TENM2: variants seen among roughly 807,000 people sequenced by gnomAD.
The protein encoded by TENM2 is teneurin transmembrane protein 2, also known as teneurin-2.
TENM2 carries 52 observed loss-of-function variants against 245.2 expected under a neutral mutation model. The observed-to-expected ratio is 0.21, with a 90% CI of 0.17 to 0.27. TENM2 has a LOEUF of 0.27. Among genes scored for constraint, TENM2 ranks in the 10% least tolerant of loss-of-function variants. The pLI is 1.00. For missense variants in TENM2, 3,046 were observed against 3,666.8 expected (o/e 0.83, Z 4.37); for synonymous variants, 1,363 against 1,438.9 (o/e 0.95, Z 1.19).
chr5:167,912,015 A>G (rs1235969727), intron 3 of TENM2, among the ~76,000 whole-genome samples: 4 of 152,196 alleles, frequency 2.6e-5, no homozygotes, highest in Non-Finnish European at 4.4e-5. Context: ...TAGTCAGAAC[A>G]CTTAAAATCT....
intron 2 of TENM2, among the ~76,000 whole-genome samples, chr5:167,805,352 A>G (rs1157059302): frequency 2.0e-5 from 3 of 152,178 alleles, no homozygotes; most frequent in African/African-American, 7.2e-5. Context: ...GAAATTTTTT[A>G]TACAATCGTC....
intron 2 of TENM2, among the ~76,000 whole-genome samples, chr5:167,654,080 A>G (rs1211329901): frequency 6.6e-6 from 1 of 152,170 alleles, no homozygotes; most frequent in Non-Finnish European, 1.5e-5. Flanking sequence ...GAGAAAACAA[A>G]TACAGCCATC....
chr5:167,722,457 T>C (rs540798802), intron 2 of TENM2, among the ~76,000 whole-genome samples: 1 of 152,266 alleles, frequency 6.6e-6, no homozygotes, highest in South Asian at 2.1e-4. Flanking sequence ...TAGATACAGA[T>C]ACAGATATAG....
chr5:167,234,863 T>C, the TENM2 span, among the ~76,000 whole-genome samples: 2 of 152,198 alleles, frequency 1.3e-5, no homozygotes, highest in East Asian at 3.9e-4. Flanking sequence ...AATTTGAGCA[T>C]ACTTTATGCT....
the TENM2 span, among the ~76,000 whole-genome samples, chr5:167,049,526 C>T: frequency 2.0e-5 from 3 of 152,158 alleles, no homozygotes; most frequent in African/African-American, 4.8e-5. Flanking sequence ...ATACATCAAA[C>T]TATATTTATT....
intron 2 of TENM2, among the ~76,000 whole-genome samples, chr5:167,640,830 AATATATATATCCATAT>A (rs1779506751): frequency 2.0e-5 from 2 of 101,294 alleles, no homozygotes; most frequent in African/African-American, 3.3e-5. Flanking sequence ...TAGAAATAGA[AATATATATATCCATAT>A]ATATATATAT....
At chr5:167,128,185 A>G in the TENM2 span, among the ~76,000 whole-genome samples, 1 of 152,184 alleles carries the variant, frequency 6.6e-6, no homozygotes, top group Admixed American at 6.5e-5. Flanking sequence ...TGATCTAGGT[A>G]AAAATGCTTG....
chr5:167,698,679 G>GTTTTTTTTTTTTTTTTTTTTTTT (rs1225922111), intron 2 of TENM2, among the ~76,000 whole-genome samples: 9 of 97,744 alleles, frequency 9.2e-5, no homozygotes, highest in Non-Finnish European at 1.4e-4. Context: ...TTTGTTTTTT[G>GTTTTTTTTTTTTTTTTTTTTTTT]TTTTTTTTTT....
At chr5:167,415,226 T>G (rs1200740595) in intron 2 of TENM2, among the ~76,000 whole-genome samples, 3 of 152,054 alleles carry the variant, frequency 2.0e-5, no homozygotes, top group Non-Finnish European at 4.4e-5. Flanking sequence ...CATGAAACAG[T>G]GCTGGGAGGA....
At chr5:167,102,537 C>T in the TENM2 span, among the ~76,000 whole-genome samples, 1 of 152,208 alleles carries the variant, frequency 6.6e-6, no homozygotes, top group Admixed American at 6.5e-5. Context: ...TCTCACTCAA[C>T]TACGTGGATG....
intron 5 of TENM2, among the ~76,000 whole-genome samples, chr5:168,023,781 C>G (rs72824972): frequency 6.6e-6 from 1 of 152,132 alleles, no homozygotes; most frequent in Admixed American, 6.5e-5. Context: ...CATGACATCC[C>G]GGAGGGTGCT....
the TENM2 span, among the ~76,000 whole-genome samples, chr5:167,118,033 A>T: frequency 6.6e-6 from 1 of 152,294 alleles, no homozygotes; most frequent in Admixed American, 6.5e-5. Context: ...CTACTATCCA[A>T]TATTACTTCT....
At chr5:167,440,312 G>T (rs1444364634) in intron 2 of TENM2, among the ~76,000 whole-genome samples, 1 of 152,164 alleles carries the variant, frequency 6.6e-6, no homozygotes, top group Non-Finnish European at 1.5e-5. Flanking sequence ...TAAGTGAAAT[G>T]TAGAACTAGG....
At chr5:167,843,561 G>T (rs543963290) in intron 2 of TENM2, among the ~76,000 whole-genome samples, 84 of 152,222 alleles carry the variant, frequency 5.5e-4, no homozygotes, top group African/African-American at 2.0e-3. Flanking sequence ...TATTTGTAGG[G>T]TTGGTGGGGG....
At chr5:167,278,579 A>G in the TENM2 span, among the ~76,000 whole-genome samples, 4 of 152,072 alleles carry the variant, frequency 2.6e-5, no homozygotes, top group Non-Finnish European at 5.9e-5. Context: ...ACCTATAGTA[A>G]TTTTGAGTAC....
chr5:168,066,385 C>G (rs1369479858), intron 7 of TENM2, among the ~76,000 whole-genome samples: 1 of 152,164 alleles, frequency 6.6e-6, no homozygotes, highest in African/African-American at 2.4e-5. Context: ...CAATGAAGAT[C>G]CCTAATGACT....
intron 1 of TENM2, among the ~76,000 whole-genome samples, chr5:167,325,329 G>A (rs1304287165): frequency 2.6e-5 from 4 of 152,072 alleles, no homozygotes; most frequent in African/African-American, 4.8e-5. Context: ...AAGTAAATAC[G>A]GTTTAAATAT....
the TENM2 span, among the ~76,000 whole-genome samples, chr5:167,142,677 A>G: frequency 6.6e-6 from 1 of 151,992 alleles, no homozygotes; most frequent in African/African-American, 2.4e-5. Context: ...CAGCCTATGG[A>G]GTAGCTGGGA....
chr5:167,854,027 A>G (rs1444757200), intron 2 of TENM2, among the ~76,000 whole-genome samples: 2 of 152,220 alleles, frequency 1.3e-5, no homozygotes, highest in Non-Finnish European at 2.9e-5. Flanking sequence ...TGTATTATTT[A>G]TATATCAACC....
Sources: gnomAD v4.1 joint callset for allele counts (sites outside exome capture counted in the v4.1 genomes callset) on GRCh38, gnomAD v4.1.1 for gene constraint, MANE v1.5 for transcripts, NCBI Gene and HGNC (gene_info 2026-07-23, HGNC 2026-07-21) for gene names.